Variants in ERCC8 observed in about 807,000 individuals in gnomAD.
The protein encoded by ERCC8 is ERCC excision repair 8, CSA ubiquitin ligase complex subunit.
ERCC8 carries 52 observed loss-of-function variants against 54.9 expected under a neutral mutation model. That is an observed-to-expected ratio of 0.95 (90% CI 0.76 to 1.19). The LOEUF (loss-of-function observed/expected upper bound fraction) is 1.19, where lower values mean the gene tolerates loss of function less well. Ranked by LOEUF, ERCC8 falls within the 50% of genes most tolerant of loss-of-function variation. The pLI, the probability that ERCC8 is intolerant of heterozygous loss-of-function variation, is 0.00. For missense variants in ERCC8, 514 were observed against 466.1 expected (o/e 1.10, Z -0.95); for synonymous variants, 146 against 157.2 (o/e 0.93, Z 0.53).
intron 1 of ERCC8, among the ~76,000 whole-genome samples, chr5:60,932,872 A>T (rs1051352844): frequency 6.6e-6 from 1 of 152,158 alleles, no homozygotes; most frequent in Non-Finnish European, 1.5e-5. Flanking sequence ...GGAGGGTAAA[A>T]AGGGAAAGAG....
intron 7 of ERCC8, 23 bp from the exon 8 acceptor site, chr5:60,899,750 T>C (rs757559414): frequency 1.9e-6 from 3 of 1,539,336 alleles, no homozygotes; most frequent in Non-Finnish European, 2.7e-6. Context: ...AAATGTTACA[T>C]TGACATATGT....
At position 60,870,578 on chromosome 5, in the gene ERCC8, C is replaced by T. The variant is rs1579975552; in HGVS notation, c.*4037G>A. Among the ~76,000 whole-genome samples, 1 of 147,030 alleles carries T rather than the reference C, an allele frequency of 6.8e-6. No individual in the cohort carries two copies. The highest frequency in any genetic ancestry group is 2.5e-5 in the African/African-American group (1 of 39,606). ...TTGGGAGGCTGAGGCAGGAAAATTG[C>T]TTGAACCTGGGAAGCGGAGGTTGCA... On this transcript the variant is annotated 3_prime_UTR_variant, in exon 12 of 12. Coordinates refer to ENST00000676185, the MANE Select transcript of ERCC8 (RefSeq NM_000082.4).
rs1747784930 is a variant in ERCC8, at chr5:60,867,808, T to TC, written c.*6806dup. On this transcript the variant is annotated 3_prime_UTR_variant, in exon 12 of 12. Transcript: ENST00000676185. ...AGCTCTCATTTAGTACTGTTGCTAA[T>TC]CCTTGCCACAATGGATGAAATGAAC... is the stretch of plus-strand genomic sequence containing the variant. Among the ~76,000 whole-genome samples the TC allele has an allele frequency of 6.6e-6, 1 of 152,216 alleles. No individual in the cohort carries two copies.
At chr5:60,903,749 A>G in intron 5 of ERCC8, 33 bp from the exon 6 acceptor site, 1 of 1,595,860 alleles carries the variant, frequency 6.3e-7, no homozygotes, top group Non-Finnish European at 8.6e-7. Flanking sequence ...AGATAATTTT[A>G]TCATAAGTCA....
intron 5 of ERCC8, 121 bp downstream of exon 5, chr5:60,904,671 T>C (rs1484649271): frequency 1.2e-5 from 2 of 167,790 alleles, no homozygotes; most frequent in South Asian, 1.4e-4. Context: ...TATATATATA[T>C]ATATATATAT....
chr5:60,877,693 A>G (rs1307873618), intron 11 of ERCC8, among the ~76,000 whole-genome samples: 35 of 152,052 alleles, frequency 2.3e-4, no homozygotes, highest in Admixed American at 2.2e-3. Context: ...GGTGTATAAG[A>G]ATGCTTGTGA....
chr5:60,918,285 A>G lies in ERCC8; in HGVS notation c.379T>C (p.Trp127Arg), dbSNP rs372212490. The G allele has an allele frequency of 5.6e-6, 9 of 1,599,180 alleles. No homozygotes were observed. The highest frequency in any genetic ancestry group is 6.9e-6 in the Non-Finnish European group (8 of 1,167,092). Residue 127 changes from tryptophan to arginine, a missense_variant, in exon 4 of 12, where the codon TGG (tryptophan) becomes CGG (arginine). Transcript: ENST00000676185. ...SSSFDKTLKV[W>R]DTNTLQTADV... ...CTTACTTGTAATGTATTTGTATCCC[A>G]TACTTTCAGAGTTTTATCAAATGAG...
chr5:60,872,816 A>T lies in ERCC8; in HGVS notation c.*1799T>A, dbSNP rs977847019. On this transcript the variant is annotated 3_prime_UTR_variant, in exon 12 of 12. Coordinates refer to ENST00000676185, the MANE Select transcript of ERCC8 (RefSeq NM_000082.4). ...ATCCAGCAATCCTAATACTGGGCTT[A>T]TATCCAAAGGATATGAAATCAGTAT... is the stretch of plus-strand genomic sequence containing the variant. 1.3e-5 allele frequency among the ~76,000 whole-genome samples: 2 copies of T among 152,246 alleles called. No homozygotes were observed. The highest frequency in any genetic ancestry group is 1.9e-4 in the East Asian group (1 of 5,204).
rs767891039 is a variant in ERCC8, at chr5:60,922,056, G to T, written c.273C>A (p.Gly91=). Residue 91 remains glycine (G), a splice_region_variant and synonymous_variant, in exon 3 of 12, where the codon GGC becomes GGA. Transcript: ENST00000676185. ...ATTTTTACATTTTAAATACATACCT[G>T]CCAATGGAACACACTGCTTTACATG... The part of the protein sequence containing the change: ...YYTCKAVCSI[G]RDHPDVHRYS... 1.3e-6 allele frequency: 2 copies of T among 1,593,072 alleles called. No homozygotes were observed. The highest frequency in any genetic ancestry group is 2.2e-5 in the South Asian group (2 of 89,442).
chr5:60,895,918 T>C (rs146821208), intron 9 of ERCC8, among the ~76,000 whole-genome samples: 7 of 152,354 alleles, frequency 4.6e-5, no homozygotes, highest in African/African-American at 1.7e-4. Context: ...GCATTAACTT[T>C]TGTCTTGTCC....
chr5:60,939,743 GCCTT>G (rs1402326787), intron 1 of ERCC8, among the ~76,000 whole-genome samples: 1 of 152,130 alleles, frequency 6.6e-6, no homozygotes, highest in Non-Finnish European at 1.5e-5. Flanking sequence ...TGATCCACCT[GCCTT>G]GGCCTCCCAA....
chr5:60,906,406 T>C (rs1321830538), intron 4 of ERCC8, among the ~76,000 whole-genome samples: 1 of 151,646 alleles, frequency 6.6e-6, no homozygotes, highest in African/African-American at 2.4e-5. Context: ...ACAAAGGTGG[T>C]TGAGTTTTGG....
At chr5:60,892,302 C>T (rs773148897) in intron 9 of ERCC8, 3 of 557,782 alleles carry the variant, frequency 5.4e-6, no homozygotes, top group Non-Finnish European at 1.1e-5. Flanking sequence ...AACTTGATCT[C>T]CATTTTGAGT....
intron 3 of ERCC8, among the ~76,000 whole-genome samples, chr5:60,920,079 C>A (rs374406177): frequency 6.6e-6 from 1 of 151,892 alleles, no homozygotes; most frequent in Admixed American, 6.6e-5. Context: ...AGCCATTATT[C>A]AAAGCTGAGG....
At chr5:60,877,625 CT>C (rs570038044) in intron 11 of ERCC8, among the ~76,000 whole-genome samples, 133 of 152,242 alleles carry the variant, frequency 8.7e-4, no homozygotes, top group African/African-American at 2.8e-3. Context: ...GTATTTTAAT[CT>C]CTTTGAAGCA....
intron 1 of ERCC8, among the ~76,000 whole-genome samples, chr5:60,938,422 C>T (rs1264124464): frequency 2.9e-5 from 4 of 136,638 alleles, no homozygotes; most frequent in East Asian, 2.1e-4. Context: ...GACACTATGT[C>T]GGCTCACTGC....
chr5:60,896,319 C>T (rs753661190), intron 9 of ERCC8, among the ~76,000 whole-genome samples: 6 of 152,100 alleles, frequency 3.9e-5, no homozygotes, highest in Non-Finnish European at 7.4e-5. Flanking sequence ...CGGGTTCAAG[C>T]GATTCTCCTG....
chr5:60,942,862 T>C (rs1327100824), intron 1 of ERCC8, among the ~76,000 whole-genome samples: 1 of 152,232 alleles, frequency 6.6e-6, no homozygotes, highest in Non-Finnish European at 1.5e-5. Flanking sequence ...TGCATATCAG[T>C]GTTCATCCTT....
intron 1 of ERCC8, among the ~76,000 whole-genome samples, chr5:60,931,049 C>T (rs996988481): frequency 1.1e-4 from 16 of 151,152 alleles, no homozygotes; most frequent in Admixed American, 1.1e-3. Context: ...ACGGAGGTTG[C>T]AGTGAGCTGA....
Sources: allele counts gnomAD v4.1 joint callset (sites outside exome capture counted in the v4.1 genomes callset), GRCh38; gene constraint gnomAD v4.1.1; transcripts MANE v1.5; gene names NCBI Gene and HGNC (gene_info 2026-07-23, HGNC 2026-07-21).